TMEM161A: variants seen among roughly 807,000 people sequenced by gnomAD.
The protein encoded by TMEM161A is adaptive response to oxidative stress protein 29.
In TMEM161A, 46 loss-of-function variants were observed where a neutral mutation model predicts 57.1. The observed-to-expected ratio is 0.81, with a 90% CI of 0.64 to 1.03. The LOEUF (loss-of-function observed/expected upper bound fraction) is 1.03. TMEM161A is among the 50% of genes least tolerant of loss of function. The pLI, the probability that TMEM161A is intolerant of heterozygous loss-of-function variation, is 0.00. For missense variants in TMEM161A, 601 were observed against 621.5 expected (o/e 0.97, Z 0.35); for synonymous variants, 288 against 279.0 (o/e 1.03, Z -0.32).
chr19:19,134,798 C>T lies in TMEM161A; in HGVS notation c.93G>A (p.Leu31=), dbSNP rs1293035489. ...LAPHCSFARW[L]LCNGSLFRYK... The stretch of plus-strand genomic sequence containing the variant: ...GCGGGGCTCACCTGCCGTTACAGAG[C>T]AGCCAGCGCGCGAAGGAGCAGTGTG... Residue 31 remains leucine (L), a synonymous_variant, in exon 2 of 12, where the codon CTG becomes CTA. Transcript: ENST00000162044. 1 of 1,579,662 alleles carries T rather than the reference C, an allele frequency of 6.3e-7. No homozygotes were observed. Among genetic ancestry groups the T allele is most frequent in the Admixed American group, 1.8e-5 (1 of 55,064 alleles).
In TMEM161A at chr19:19,132,254, A is replaced by T; in HGVS notation, c.443+98T>A. 7.2e-7 allele frequency: 1 copy of T among 1,395,532 alleles called. No individual in the cohort carries two copies. The highest frequency in any genetic ancestry group is 9.8e-7 in the Non-Finnish European group (1 of 1,022,608). 86.4% of individuals were successfully genotyped at this position (1,395,532 alleles called of 1,614,324 possible). A position where few individuals can be genotyped will look rare whatever the true frequency, so the allele number is the denominator to read the frequency against. On this transcript the variant is annotated intron_variant, in intron 5 of 11. Coordinates refer to ENST00000162044, the MANE Select transcript of TMEM161A (RefSeq NM_017814.3). The surrounding 1 kb of genome is among the most constrained non-coding windows in gnomAD (Gnocchi z 4.3). ...CACTAAGCTTGGGGAAGTTTGTGGC[A>T]CAGCAGGTGAAAACTGCCACACCAG... is the stretch of plus-strand genomic sequence containing the variant.
intron 6 of TMEM161A, among the ~76,000 whole-genome samples, chr19:19,122,707 T>C (rs898735593): frequency 7.5e-6 from 1 of 132,578 alleles, no homozygotes; most frequent in African/African-American, 2.9e-5. Flanking sequence ...GCCCAGGATG[T>C]GGAAGTTGCA....
intron 1 of TMEM161A, among the ~76,000 whole-genome samples, chr19:19,137,002 G>T (rs1398904864): frequency 6.6e-6 from 1 of 151,486 alleles, no homozygotes; most frequent in East Asian, 1.9e-4. Flanking sequence ...ACCTGCCAGG[G>T]TTTTAACCAC....
At chr19:19,128,974 AG>A (rs1313665648) in intron 6 of TMEM161A, among the ~76,000 whole-genome samples, 2 of 152,248 alleles carry the variant, frequency 1.3e-5, no homozygotes, top group African/African-American at 4.8e-5. Flanking sequence ...CAATGTGAAC[AG>A]GTATTTCACA....
At chr19:19,127,564 C>T (rs551105813) in intron 6 of TMEM161A, among the ~76,000 whole-genome samples, 18 of 152,056 alleles carry the variant, frequency 1.2e-4, no homozygotes, top group Admixed American at 5.2e-4. Context: ...CCTCGTGATC[C>T]GCCCGCCTTG....
chr19:19,123,165 T>C (rs1469814538), intron 6 of TMEM161A, among the ~76,000 whole-genome samples: 1 of 151,886 alleles, frequency 6.6e-6, no homozygotes, highest in Non-Finnish European at 1.5e-5. Context: ...GTGAGAAATA[T>C]GAAGAGAGGC....
Position 19,134,822 on chromosome 19 carries a change from T to A in TMEM161A, c.69A>T (p.Pro23=). The part of the protein sequence containing the change: ...LTATLMHRLA[P]HCSFARWLLC... ...GCAGCCAGCGCGCGAAGGAGCAGTG[T>A]GGCGCCAGCCTGTGCATGAGGGTGG... The change falls in exon 2 of 12, where the codon CCA becomes CCT. Residue 23 remains proline, a synonymous_variant. Transcript: ENST00000162044. 6.3e-7 allele frequency: 1 copy of A among 1,595,384 alleles called. No individual in the cohort carries two copies. The highest frequency in any genetic ancestry group is 8.5e-7 in the Non-Finnish European group (1 of 1,172,114).
Position 19,132,745 on chromosome 19 carries a change from A to G in TMEM161A, c.198T>C (p.Asn66=), listed in dbSNP as rs1371132668. ...RPRGRKERWA[N]GLSEEKPLSV... Reference sequence around the variant, plus strand: ...ACAGTGGCTTCTCCTCACTAAGGCCATTGGCCCACCTGGGAGGATGGTGAC... The same window carrying G: ...ACAGTGGCTTCTCCTCACTAAGGCCGTTGGCCCACCTGGGAGGATGGTGAC... Residue 66 remains asparagine, a synonymous_variant, in exon 4 of 12, where the codon AAT becomes AAC. Coordinates refer to ENST00000162044, the MANE Select transcript of TMEM161A (RefSeq NM_017814.3). This position sits in a 1 kb window ranked among gnomAD's most constrained non-coding sequence, Gnocchi z 4.3. The G allele has an allele frequency of 3.2e-6, 5 of 1,545,144 alleles. No homozygotes were observed. Among genetic ancestry groups the G allele is most frequent in the Non-Finnish European group, 3.5e-6 (4 of 1,145,968 alleles).
At position 19,121,926 on chromosome 19, in the gene TMEM161A, G is replaced by T; in HGVS notation, c.596-107C>A. Reference sequence around the variant, plus strand: ...CAGGCATCCGTTTGCTTCCCAAGTAGGAATGAACAAGGGTCTGCCAGGCCC... The same window carrying T: ...CAGGCATCCGTTTGCTTCCCAAGTATGAATGAACAAGGGTCTGCCAGGCCC... On this transcript the variant is annotated intron_variant, in intron 6 of 11. Coordinates refer to ENST00000162044, the MANE Select transcript of TMEM161A (RefSeq NM_017814.3). This position sits in a 1 kb window ranked among gnomAD's most constrained non-coding sequence, Gnocchi z 5.8. 7.7e-7 allele frequency: 1 copy of T among 1,302,002 alleles called. No individual in the cohort carries two copies. Among genetic ancestry groups the T allele is most frequent in the Non-Finnish European group, 1.1e-6 (1 of 935,878 alleles). The allele number at this position is 1,302,002 out of a possible 1,614,324, so 80.7% of individuals were successfully genotyped here. A position where few individuals can be genotyped will look rare whatever the true frequency, so the allele number is the denominator to read the frequency against.
At chr19:19,125,456 T>C (rs1277073951) in intron 6 of TMEM161A, among the ~76,000 whole-genome samples, 2 of 151,720 alleles carry the variant, frequency 1.3e-5, no homozygotes, top group Non-Finnish European at 2.9e-5. Context: ...GTTCAAGTGA[T>C]TCTCCTGCCT....
At position 19,132,605 on chromosome 19, in the gene TMEM161A, G is replaced by A. The variant is rs1443706176; in HGVS notation, c.286+52C>T. The A allele has an allele frequency of 1.3e-6, 2 of 1,565,146 alleles. No homozygotes were observed. Among genetic ancestry groups the A allele is most frequent in the East Asian group, 2.3e-5 (1 of 44,430 alleles). The stretch of plus-strand genomic sequence containing the variant: ...TCCTCCCCACCCCCATGAGGGTGTG[G>A]AGACCTTCAGGGCTGAGGGAGTAGA... On this transcript the variant is annotated intron_variant, in intron 4 of 11. Coordinates refer to ENST00000162044, the MANE Select transcript of TMEM161A (RefSeq NM_017814.3). This position sits in a 1 kb window ranked among gnomAD's most constrained non-coding sequence, Gnocchi z 4.3.
At chr19:19,126,929 C>A (rs1481669628) in intron 6 of TMEM161A, among the ~76,000 whole-genome samples, 1 of 151,454 alleles carries the variant, frequency 6.6e-6, no homozygotes, top group Non-Finnish European at 1.5e-5. Flanking sequence ...AGCCTGTAGT[C>A]CCAGCTACTT....
chr19:19,126,920 G>T (rs1394802003), intron 6 of TMEM161A, among the ~76,000 whole-genome samples: 4 of 151,818 alleles, frequency 2.6e-5, no homozygotes. Flanking sequence ...GGTGGTGGGA[G>T]CCTGTAGTCC....
chr19:19,120,624 A>T, intron 11 of TMEM161A, 141 bp downstream of exon 11: 1 of 762,916 alleles, frequency 1.3e-6, no homozygotes, highest in Non-Finnish European at 2.1e-6. Context: ...CTTCCTGCTC[A>T]GACCCTGCCT....
Position 19,121,353 on chromosome 19 carries a change from C to A in TMEM161A, c.869G>T (p.Arg290Leu). 1 of 1,597,296 alleles carries A rather than the reference C, an allele frequency of 6.3e-7. No individual in the cohort carries two copies. The highest frequency in any genetic ancestry group is 8.5e-7 in the Non-Finnish European group (1 of 1,172,570). ...ILWLWTKPIA[R>L]DFLHQPPFGE... ...AAACGGCGGCTGGTGCAGGAAGTCC[C>A]GTGCAATGGGCTTTGTCCAGAGCCA... is the stretch of plus-strand genomic sequence containing the variant. Residue 290 changes from arginine to leucine, a missense_variant, in exon 9 of 12, where the codon CGG becomes CTG. Coordinates refer to ENST00000162044, the MANE Select transcript of TMEM161A (RefSeq NM_017814.3). The surrounding 1 kb of genome is among the most constrained non-coding windows in gnomAD (Gnocchi z 5.8).
chr19:19,133,402 G>A (rs943361944), intron 2 of TMEM161A, 192 bp from the exon 3 acceptor site: 37 of 572,040 alleles, frequency 6.5e-5, no homozygotes, highest in Middle Eastern at 4.4e-4. Flanking sequence ...AGTGGGCTCC[G>A]GGGGCTTGGA....
chr19:19,121,642 C>T lies in TMEM161A; in HGVS notation c.683G>A (p.Arg228His), dbSNP rs768539233. 1.1e-5 allele frequency: 17 copies of T among 1,613,870 alleles called. No individual in the cohort carries two copies. Among genetic ancestry groups the T allele is most frequent in the Middle Eastern group, 3.3e-4 (2 of 6,060 alleles). The change falls in exon 8 of 12, where the codon CGC (arginine) becomes CAC (histidine). Residue 228 changes from arginine to histidine, a missense_variant. Physicochemically the swap from Arg to His is conservative, Grantham distance 29. Coordinates refer to ENST00000162044, the MANE Select transcript of TMEM161A (RefSeq NM_017814.3). This position sits in a 1 kb window ranked among gnomAD's most constrained non-coding sequence, Gnocchi z 5.8. ...WALPVAKLAIRVGLAVVGSVL... is the reference protein window; with the variant it reads ...WALPVAKLAIHVGLAVVGSVL... ...AGAGCCCACCACTGCCAGTCCCACG[C>T]GGATAGCCAGCTTGGCCACAGGAAG...
rs758807155 is a variant in TMEM161A, at chr19:19,121,703, G to A, written c.657-35C>T. 6 of 1,611,912 alleles carry A rather than the reference G, an allele frequency of 3.7e-6. No individual in the cohort carries two copies. In the South Asian group the frequency reaches 4.4e-5, roughly 12 times the overall value. On this transcript the variant is annotated intron_variant, in intron 7 of 11. Transcript: ENST00000162044. This position sits in a 1 kb window ranked among gnomAD's most constrained non-coding sequence, Gnocchi z 5.8. The stretch of plus-strand genomic sequence containing the variant: ...CACCAGGTCACGAGCCTGCCTGGGG[G>A]ACCCTGGGAGGGTCCCAGCCTGCCC...
At chr19:19,127,713 C>T (rs939255896) in intron 6 of TMEM161A, among the ~76,000 whole-genome samples, 5 of 151,344 alleles carry the variant, frequency 3.3e-5, no homozygotes, top group Admixed American at 1.3e-4. Flanking sequence ...GAGGACTGCT[C>T]GAGGCCAGGA....
Sources: gnomAD v4.1 joint callset for allele counts (sites outside exome capture counted in the v4.1 genomes callset) on GRCh38, gnomAD v4.1.1 for gene constraint, Gnocchi (gnomAD v3.1) non-coding constraint, MANE v1.5 for transcripts, NCBI Gene and HGNC (gene_info 2026-07-23, HGNC 2026-07-21) for gene names.